Variants in EZR observed in about 807,000 individuals in gnomAD.
The protein encoded by EZR is cytovillin 2.
A neutral mutation model predicts 74.8 loss-of-function variants in EZR; 40 were observed. That is an observed-to-expected ratio of 0.53 (90% CI 0.42 to 0.70). The LOEUF is 0.70. Ranked by LOEUF, EZR falls within the 30% of genes least tolerant of loss-of-function variation. The pLI, the probability that EZR is intolerant of heterozygous loss-of-function variation, is 0.00. For synonymous variants in EZR, 341 were observed against 283.3 expected, an observed-to-expected ratio of 1.20 and a Z score of -2.05; for missense variants, 678 against 755.8, an observed-to-expected ratio of 0.90 and a Z score of 1.21.
intron 4 of EZR, among the ~76,000 whole-genome samples, chr6:158,786,712 C>CT (rs1426539328): frequency 6.6e-6 from 1 of 151,710 alleles, no homozygotes; most frequent in African/African-American, 2.4e-5. Flanking sequence ...TATCTTACTA[C>CT]TTTTCTTTTT....
rs1439466317 is a variant in EZR at position 158,766,143 on chromosome 6, ATTC to A, written c.*768_*770del. ...TGGTTTAGAGGGTTTTTCATATGTAATTCTTTTATTCTGTAAAAGGTAACAAAA... is the reference window on the plus strand; with the variant it reads ...TGGTTTAGAGGGTTTTTCATATGTAATTTTATTCTGTAAAAGGTAACAAAA... On this transcript the variant is annotated 3_prime_UTR_variant, in exon 14 of 14. Coordinates refer to ENST00000367075, the MANE Select transcript of EZR (RefSeq NM_001111077.2). The A allele has an allele frequency of 6.6e-6, 1 of 152,620 alleles. No homozygotes were observed. Among genetic ancestry groups the A allele is most frequent in the Non-Finnish European group, 1.5e-5 (1 of 68,030 alleles). 9.5% of individuals were successfully genotyped at this position (152,620 alleles called of 1,614,324 possible).
intron 2 of EZR, among the ~76,000 whole-genome samples, chr6:158,796,930 C>T (rs1777084301): frequency 6.6e-6 from 1 of 152,158 alleles, no homozygotes; most frequent in Admixed American, 6.5e-5. Context: ...AAAATGCCTT[C>T]TAAGAGTGTA....
At chr6:158,801,149 G>A (rs910302831) in intron 2 of EZR, among the ~76,000 whole-genome samples, 4 of 152,090 alleles carry the variant, frequency 2.6e-5, no homozygotes, top group South Asian at 2.1e-4. Context: ...ACAGGGTCTC[G>A]CTCTGTCAAG....
intron 2 of EZR, among the ~76,000 whole-genome samples, chr6:158,796,371 C>CA (rs1393418435): frequency 7.9e-5 from 12 of 152,228 alleles, no homozygotes; most frequent in Non-Finnish European, 1.8e-4. Flanking sequence ...ATAAACCCAA[C>CA]ATCCTCTTTG....
At chr6:158,803,725 G>A (rs1777269275) in intron 2 of EZR, among the ~76,000 whole-genome samples, 1 of 147,410 alleles carries the variant, frequency 6.8e-6, no homozygotes, top group Admixed American at 6.9e-5. Flanking sequence ...AACATGTAAT[G>A]AAATCTCAAA....
At chr6:158,817,814 C>T (rs1215004361) in intron 2 of EZR, among the ~76,000 whole-genome samples, 1 of 152,110 alleles carries the variant, frequency 6.6e-6, no homozygotes, top group Non-Finnish European at 1.5e-5. Flanking sequence ...AAAAAGGCCT[C>T]TAGTTTTTAG....
intron 1 of EZR, 85 bp from the exon 2 acceptor site, chr6:158,818,251 C>A: frequency 1.4e-6 from 1 of 706,202 alleles, no homozygotes; most frequent in East Asian, 3.0e-5. Context: ...CCGCAGCGCG[C>A]TGCCGCTTAA....
At position 158,774,707 on chromosome 6, in the gene EZR, A is replaced by G. The variant is rs868664637; in HGVS notation, c.795+1701T>C. 1.7e-3 allele frequency among the ~76,000 whole-genome samples: 250 copies of G among 149,478 alleles called. 1 individual carries two copies. In the South Asian group the frequency reaches 0.017, roughly 10 times the overall value. ...CACACACACACACACACACACACAC[A>G]CACACACGCACAAACATTCTGAAAC... is the stretch of plus-strand genomic sequence containing the variant. On this transcript the variant is annotated intron_variant, in intron 8 of 13. Coordinates refer to ENST00000367075, the MANE Select transcript of EZR (RefSeq NM_001111077.2).
chr6:158,801,571 T>C (rs562139026), intron 2 of EZR, among the ~76,000 whole-genome samples: 1 of 152,310 alleles, frequency 6.6e-6, no homozygotes, highest in South Asian at 2.1e-4. Flanking sequence ...AAAACATGGG[T>C]ACGCTAGTTA....
rs963246537 is a variant in EZR, at chr6:158,771,145, A to T, written c.959+99T>A. Reference sequence around the variant, plus strand: ...TGGTGACTGGGTTCCATTCCACCACACTCTCCCCATCAGCTCCACAGTCAC... The same window carrying T: ...TGGTGACTGGGTTCCATTCCACCACTCTCTCCCCATCAGCTCCACAGTCAC... On this transcript the variant is annotated intron_variant, in intron 9 of 13. Transcript: ENST00000367075. The T allele has an allele frequency of 5.4e-6, 8 of 1,491,882 alleles. No homozygotes were observed. The Admixed American group carries it at 6.4e-5, about 12-fold the overall frequency. The allele number at this position is 1,491,882 out of a possible 1,614,324, so 92.4% of individuals were successfully genotyped here.
chr6:158,818,825 CA>C (rs1344252997), intron 1 of EZR, among the ~76,000 whole-genome samples: 2 of 48,920 alleles, frequency 4.1e-5, no homozygotes, highest in African/African-American at 1.6e-4. Flanking sequence ...AGGGAGGGGT[CA>C]GGGGAGAGGG....
intron 6 of EZR, 88 bp from the exon 7 acceptor site, chr6:158,783,754 C>G: frequency 7.1e-7 from 1 of 1,402,510 alleles, no homozygotes; most frequent in Non-Finnish European, 9.8e-7. Flanking sequence ...TAAATTAAGG[C>G]GCCTTGTGTA....
At chr6:158,775,647 CAG>C (rs1410576818) in intron 8 of EZR, among the ~76,000 whole-genome samples, 1 of 152,176 alleles carries the variant, frequency 6.6e-6, no homozygotes, top group African/African-American at 2.4e-5. Context: ...AAGGTGGTAA[CAG>C]AATTTCTTCA....
At chr6:158,803,576 T>TAAAAA (rs1562504485) in intron 2 of EZR, among the ~76,000 whole-genome samples, 1 of 19,462 alleles carries the variant, frequency 5.1e-5, no homozygotes, top group Non-Finnish European at 8.6e-5. Flanking sequence ...TATATATATA[T>TAAAAA]ATATACATAT....
At chr6:158,813,594 A>G (rs1777492221) in intron 2 of EZR, among the ~76,000 whole-genome samples, 1 of 152,184 alleles carries the variant, frequency 6.6e-6, no homozygotes, top group South Asian at 2.1e-4. Context: ...CTCAATTGCG[A>G]GGGGATTGTG....
chr6:158,778,127 A>G (rs1196293161), intron 7 of EZR, among the ~76,000 whole-genome samples: 1 of 152,214 alleles, frequency 6.6e-6, no homozygotes, highest in Non-Finnish European at 1.5e-5. Flanking sequence ...ACTTTCTCCC[A>G]AAACACAAGA....
rs926851433 is a variant in EZR, at chr6:158,766,384, G to A, written c.*530C>T. 1 of 152,662 alleles carries A rather than the reference G, an allele frequency of 6.6e-6. No individual in the cohort carries two copies. The highest frequency in any genetic ancestry group is 2.4e-5 in the African/African-American group (1 of 41,396). 9.5% of individuals were successfully genotyped at this position (152,662 alleles called of 1,614,324 possible). The stretch of plus-strand genomic sequence containing the variant: ...TCACTGTGCTCTCTGCCAGCTGCGT[G>A]GAGTGACGGGAGGAGGGAATCACTG... On this transcript the variant is annotated 3_prime_UTR_variant, in exon 14 of 14. Transcript: ENST00000367075.
chr6:158,770,228 C>T (rs1045722983), intron 10 of EZR, among the ~76,000 whole-genome samples: 1 of 152,360 alleles, frequency 6.6e-6, no homozygotes, highest in East Asian at 1.9e-4. Context: ...GGTCAGCCGC[C>T]CGCTGTGCTG....
At chr6:158,811,173 T>A (rs573543146) in intron 2 of EZR, among the ~76,000 whole-genome samples, 1 of 152,286 alleles carries the variant, frequency 6.6e-6, no homozygotes, top group East Asian at 1.9e-4. Flanking sequence ...AGAAGGAAAA[T>A]AATGCAAACT....
Sources: allele counts gnomAD v4.1 joint callset (sites outside exome capture counted in the v4.1 genomes callset), GRCh38; gene constraint gnomAD v4.1.1; transcripts MANE v1.5; gene names NCBI Gene and HGNC (gene_info 2026-07-23, HGNC 2026-07-21).